The following STK10 variants were observed in gnomAD, a reference collection of about 807,000 sequenced individuals.
STK10 encodes serine/threonine kinase 10, also known as serine/threonine-protein kinase 10.
STK10 carries 78 observed loss-of-function variants against 113.8 expected under a neutral mutation model. That is an observed-to-expected ratio of 0.69 (90% CI 0.57 to 0.83). The LOEUF is 0.83. STK10 is among the 40% of genes least tolerant of loss of function. The probability of loss-of-function intolerance (pLI) is 0.00; values close to 1 mark genes in which losing one functional copy is unlikely to be tolerated. For missense variants in STK10, 1,109 were observed against 1,280.1 expected (o/e 0.87, Z 2.04); for synonymous variants, 465 against 494.7 (o/e 0.94, Z 0.80).
At chr5:172,124,091 C>T (rs1159652982) in intron 3 of STK10, among the ~76,000 whole-genome samples, 2 of 152,134 alleles carry the variant, frequency 1.3e-5, no homozygotes, top group Non-Finnish European at 2.9e-5. Flanking sequence ...TAACGCCCAG[C>T]TAACTTTTGT....
intron 13 of STK10, 68 bp from the exon 14 acceptor site, chr5:172,061,336 T>A (rs1767932691): frequency 6.6e-7 from 1 of 1,518,502 alleles, no homozygotes; most frequent in African/African-American, 1.4e-5. Flanking sequence ...CTCTTCCTAT[T>A]ATGGGAGAAA....
chr5:172,076,754 T>C (rs975817034), intron 12 of STK10, among the ~76,000 whole-genome samples: 1 of 152,214 alleles, frequency 6.6e-6, no homozygotes, highest in African/African-American at 2.4e-5. Context: ...AGATGCTATA[T>C]AACCCTAGTT....
chr5:172,075,288 A>G (rs1164732087), intron 12 of STK10, among the ~76,000 whole-genome samples: 1 of 152,212 alleles, frequency 6.6e-6, no homozygotes, highest in South Asian at 2.1e-4. Context: ...AAATACTTGC[A>G]TACAGAATCT....
At chr5:172,157,034 C>T (rs1420697896) in intron 1 of STK10, among the ~76,000 whole-genome samples, 1 of 152,132 alleles carries the variant, frequency 6.6e-6, no homozygotes, top group Admixed American at 6.5e-5. Context: ...CAAATACCAA[C>T]ATGGAAAGAC....
chr5:172,175,889 G>A (rs3776748), intron 1 of STK10, among the ~76,000 whole-genome samples: 1 of 152,158 alleles, frequency 6.6e-6, no homozygotes, highest in East Asian at 1.9e-4. Flanking sequence ...GCTTCATCAG[G>A]TGTGGAGTGA....
At chr5:172,117,250 G>A (rs1769407287) in intron 4 of STK10, among the ~76,000 whole-genome samples, 2 of 152,204 alleles carry the variant, frequency 1.3e-5, no homozygotes, top group African/African-American at 4.8e-5. Context: ...CTGCACTCCA[G>A]CCTGGGTGAC....
At chr5:172,169,571 G>A (rs2113831693) in intron 1 of STK10, among the ~76,000 whole-genome samples, 1 of 152,264 alleles carries the variant, frequency 6.6e-6, no homozygotes, top group South Asian at 2.1e-4. Flanking sequence ...GAGTTGGCAG[G>A]GGCATGAATG....
intron 12 of STK10, among the ~76,000 whole-genome samples, chr5:172,072,997 T>C (rs1026528046): frequency 6.6e-6 from 1 of 152,200 alleles, no homozygotes; most frequent in East Asian, 1.9e-4. Context: ...TTTTCCAAGT[T>C]GGGTTTTACT....
chr5:172,147,616 A>T (rs1167192928), intron 2 of STK10, among the ~76,000 whole-genome samples: 1 of 152,148 alleles, frequency 6.6e-6, no homozygotes, highest in Non-Finnish European at 1.5e-5. Flanking sequence ...GTGGTCTCGA[A>T]CTTCTGACCT....
At chr5:172,115,031 T>G (rs1333765307) in intron 4 of STK10, 1 of 152,234 alleles carries the variant, frequency 6.6e-6, no homozygotes, top group Non-Finnish European at 1.5e-5. Context: ...TCTCACAGGC[T>G]GGGCAGGGTA....
At chr5:172,083,925 G>GAAAAAAAAAAAAAAAA (rs58326550) in intron 10 of STK10, among the ~76,000 whole-genome samples, 2 of 85,752 alleles carry the variant, frequency 2.3e-5, no homozygotes, top group African/African-American at 3.5e-5. Context: ...ACAAAAAAAA[G>GAAAAAAAAAAAAAAAA]AAAAAAAAAA....
chr5:172,121,585 T>A (rs149534605), intron 3 of STK10, among the ~76,000 whole-genome samples: 11,450 of 151,896 alleles, frequency 0.075, 489 homozygotes, highest in East Asian at 0.11. Flanking sequence ...GGTGGGCAGA[T>A]CACCTGAGGT....
intron 3 of STK10, among the ~76,000 whole-genome samples, chr5:172,119,915 C>T (rs1011459654): frequency 6.6e-6 from 1 of 152,036 alleles, no homozygotes; most frequent in Non-Finnish European, 1.5e-5. Flanking sequence ...TCTAGCACAG[C>T]AAAGAGCTTG....
chr5:172,170,119 AT>A (rs1770639221), intron 1 of STK10, among the ~76,000 whole-genome samples: 2 of 139,856 alleles, frequency 1.4e-5, no homozygotes, highest in African/African-American at 2.7e-5. Flanking sequence ...CTCAGTATGT[AT>A]CCTTTTTTTT....
chr5:172,079,944 CTTT>C (rs1422994270), intron 12 of STK10, among the ~76,000 whole-genome samples: 1 of 152,118 alleles, frequency 6.6e-6, no homozygotes, highest in Non-Finnish European at 1.5e-5. Flanking sequence ...TCATGCTTCA[CTTT>C]ATTACACTTT....
intron 2 of STK10, among the ~76,000 whole-genome samples, chr5:172,137,891 CAAAAA>C (rs34136706): frequency 1.3e-5 from 1 of 78,482 alleles, no homozygotes; most frequent in Non-Finnish European, 2.4e-5. Context: ...GACTCTGTCT[CAAAAA>C]AAAAAAAAAA....
intron 2 of STK10, among the ~76,000 whole-genome samples, chr5:172,146,178 T>C (rs1157374483): frequency 6.6e-6 from 1 of 152,208 alleles, no homozygotes; most frequent in African/African-American, 2.4e-5. Flanking sequence ...CCTTCGTGTC[T>C]GTGCCCCAGC....
intron 1 of STK10, among the ~76,000 whole-genome samples, chr5:172,158,070 G>A (rs1770391635): frequency 6.6e-6 from 1 of 152,098 alleles, no homozygotes; most frequent in South Asian, 2.1e-4. Context: ...GAATAAGAGG[G>A]TAAGAAAACT....
chr5:172,049,891 C>T (rs1425645050), intron 18 of STK10, among the ~76,000 whole-genome samples: 1 of 152,164 alleles, frequency 6.6e-6, no homozygotes, highest in East Asian at 1.9e-4. Context: ...CAAACTCTGC[C>T]CGCCGGGTTC....
Sources: gnomAD v4.1 joint callset for allele counts (sites outside exome capture counted in the v4.1 genomes callset) on GRCh38, gnomAD v4.1.1 for gene constraint, MANE v1.5 for transcripts, NCBI Gene and HGNC (gene_info 2026-07-23, HGNC 2026-07-21) for gene names.